ARAP3: variants seen among roughly 807,000 people sequenced by gnomAD.
ARAP3 encodes the protein arf-GAP with Rho-GAP domain, ANK repeat and PH domain-containing protein 3.
ARAP3 carries 82 observed loss-of-function variants against 169.2 expected under a neutral mutation model. The ratio of observed to expected loss-of-function variants is 0.48; its 90% CI spans 0.41 to 0.58. The LOEUF (loss-of-function observed/expected upper bound fraction) is 0.58, where lower values mean the gene tolerates loss of function less well. Among genes scored for constraint, ARAP3 ranks in the 20% least tolerant of loss-of-function variants. ARAP3 has a pLI of 0.00. For missense variants in ARAP3, 1,764 were observed against 2,018.0 expected, an observed-to-expected ratio of 0.87 and a Z score of 2.41; for synonymous variants, 791 against 800.3, an observed-to-expected ratio of 0.99 and a Z score of 0.20.
At position 141,672,039 on chromosome 5, in the gene ARAP3, G is replaced by T; in HGVS notation, c.1586-59C>A. On this transcript the variant is annotated intron_variant, in intron 10 of 32. Transcript: ENST00000239440. The surrounding 1 kb of genome is among the most constrained non-coding windows in gnomAD (Gnocchi z 4.9). ...AGGGTGTGAGGGGCATGTGGCACGG[G>T]TACCCTGAGCCCTCTAGTCCCAGCC... The T allele has an allele frequency of 6.2e-7, 1 of 1,613,964 alleles. No individual in the cohort carries two copies. The highest frequency in any genetic ancestry group is 2.2e-5 in the East Asian group (1 of 44,878).
chr5:141,676,151 C>T (rs2099912155), intron 4 of ARAP3, among the ~76,000 whole-genome samples: 1 of 152,170 alleles, frequency 6.6e-6, no homozygotes, highest in African/African-American at 2.4e-5. Context: ...AGGTCGAGAC[C>T]ATCCTGGCCA....
chr5:141,656,377 C>T (rs2099909275), intron 27 of ARAP3, 101 bp from the exon 28 acceptor site: 1 of 1,599,924 alleles, frequency 6.3e-7, no homozygotes, highest in Admixed American at 1.7e-5. Flanking sequence ...CACAGGGTCA[C>T]AGAAGTCGGG....
intron 4 of ARAP3, among the ~76,000 whole-genome samples, chr5:141,674,645 T>G (rs2099911906): frequency 6.6e-6 from 1 of 152,200 alleles, no homozygotes; most frequent in Non-Finnish European, 1.5e-5. Flanking sequence ...CTTGGAATTT[T>G]TATTGGGAAA....
In ARAP3 at chr5:141,654,287, A is replaced by G; in HGVS notation, c.4298T>C (p.Val1433Ala). ...GCTGGTGAGGGGGTTCTCTGGCTTCACTGTCCACTCCCGTGTGGTGGAGAA... is the reference window on the plus strand; with the variant it reads ...GCTGGTGAGGGGGTTCTCTGGCTTCGCTGTCCACTCCCGTGTGGTGGAGAA... ...TSFSTTREWT[V>A]KPENPLTSQK... Residue 1433 changes from valine to alanine, a missense_variant, in exon 33 of 33, where the codon GTG (valine) becomes GCG (alanine). This residue lies in a region of ARAP3 where 1,112 missense variants were observed against 1,285.7 expected (regional missense o/e 0.86). Coordinates refer to ENST00000239440, the MANE Select transcript of ARAP3 (RefSeq NM_022481.6). The G allele has an allele frequency of 6.2e-7, 1 of 1,614,116 alleles. No homozygotes were observed. Among genetic ancestry groups the G allele is most frequent in the African/African-American group, 1.3e-5 (1 of 75,002 alleles).
At chr5:141,665,289 G>A (rs1190238906) in intron 18 of ARAP3, 22 bp downstream of exon 18, 1 of 1,613,670 alleles carries the variant, frequency 6.2e-7, no homozygotes, top group South Asian at 1.1e-5. Context: ...GGAGCCCCAG[G>A]TCAAGGGCAG....
At chr5:141,665,717 G>C (rs902715083) in intron 17 of ARAP3, among the ~76,000 whole-genome samples, 1 of 152,022 alleles carries the variant, frequency 6.6e-6, no homozygotes, top group African/African-American at 2.4e-5. Context: ...GACCCAACCA[G>C]CAAGTGATTC....
chr5:141,676,047 A>G (rs1249420479), intron 4 of ARAP3, among the ~76,000 whole-genome samples: 2 of 152,196 alleles, frequency 1.3e-5, no homozygotes, highest in Admixed American at 6.5e-5. Context: ...ACAAACCTAT[A>G]TAACATTGCA....
intron 16 of ARAP3, among the ~76,000 whole-genome samples, chr5:141,667,818 G>C (rs1197772814): frequency 6.6e-6 from 1 of 150,476 alleles, no homozygotes. Context: ...GAGGCAGGCA[G>C]ATCACCTGAG....
chr5:141,655,204 CACACACACACCCTGATGGCCT>C (rs1208536681), intron 32 of ARAP3, among the ~76,000 whole-genome samples, 137 bp downstream of exon 32: 3 of 134,318 alleles, frequency 2.2e-5, no homozygotes, highest in African/African-American at 8.6e-5. Context: ...CACACACACA[CACACACACACCCTGATGGCCT>C]ACACACACAC....
intron 22 of ARAP3, 131 bp from the exon 23 acceptor site, chr5:141,659,607 G>A: frequency 7.6e-7 from 1 of 1,318,306 alleles, no homozygotes; most frequent in Non-Finnish European, 1.1e-6. Flanking sequence ...TGAGGATGTT[G>A]GAAGTGAAGT....
Position 141,657,827 on chromosome 5 carries a change from C to CT in ARAP3, c.3526+537dup, listed in dbSNP as rs201523403. On this transcript the variant is annotated intron_variant, in intron 25 of 32. Coordinates refer to ENST00000239440, the MANE Select transcript of ARAP3 (RefSeq NM_022481.6). ...GGGAAAAATTGGAGAATGGCCTAGGCTTTTTTTTTGAGGAAAGGGGACTAG... is the reference window on the plus strand; with the variant it reads ...GGGAAAAATTGGAGAATGGCCTAGGCTTTTTTTTTTGAGGAAAGGGGACTAG... Among the ~76,000 whole-genome samples, 311 of 151,196 alleles carry CT rather than the reference C, an allele frequency of 2.1e-3. 4 individuals carry two copies. The highest frequency in any genetic ancestry group is 4.1e-3 in the African/African-American group (170 of 41,226).
Position 141,673,598 on chromosome 5 carries a change from C to T in ARAP3, c.902+7G>A. 3 of 1,613,274 alleles carry T rather than the reference C, an allele frequency of 1.9e-6. No homozygotes were observed. The East Asian group carries it at 6.7e-5, about 36-fold the overall frequency. On this transcript the variant is annotated splice_region_variant and intron_variant, in intron 5 of 32. Coordinates refer to ENST00000239440, the MANE Select transcript of ARAP3 (RefSeq NM_022481.6). Reference sequence around the variant, plus strand: ...TTTTCTCCCTCCCTTCCCCTCCCAGCACCCACCCCTGAGGGGAGAGCTTGT... The same window carrying T: ...TTTTCTCCCTCCCTTCCCCTCCCAGTACCCACCCCTGAGGGGAGAGCTTGT...
Position 141,671,856 on chromosome 5 carries a change from C to T in ARAP3, c.1671+39G>A. On this transcript the variant is annotated intron_variant, in intron 11 of 32. Transcript: ENST00000239440. The surrounding 1 kb of genome is among the most constrained non-coding windows in gnomAD (Gnocchi z 4.9). ...CCCAAGGCCTGCTTCTGGACGCTCC[C>T]TTCTACGCCTCCCACCTTCTCCCTC... 1 of 1,613,972 alleles carries T rather than the reference C, an allele frequency of 6.2e-7. No homozygotes were observed. Among genetic ancestry groups the T allele is most frequent in the Non-Finnish European group, 8.5e-7 (1 of 1,179,884 alleles).
chr5:141,655,343 G>A lies in ARAP3; in HGVS notation c.4149+19C>T, dbSNP rs1397464640. ...TACAGGGTTGACAGGCACACCGCTG[G>A]AGCAGGCACAATACTCACAAAGAAC... On this transcript the variant is annotated intron_variant, in intron 32 of 32. Transcript: ENST00000239440. 1.3e-6 allele frequency: 2 copies of A among 1,571,216 alleles called. No homozygotes were observed. The highest frequency in any genetic ancestry group is 1.9e-5 in the Admixed American group (1 of 53,280).
chr5:141,661,883 G>C, intron 20 of ARAP3, 94 bp from the exon 21 acceptor site: 1 of 1,473,790 alleles, frequency 6.8e-7, no homozygotes, highest in Non-Finnish European at 9.4e-7. Context: ...AATGCAGGAT[G>C]GATGTGTCTC....
intron 21 of ARAP3, among the ~76,000 whole-genome samples, 168 bp from the exon 22 acceptor site, chr5:141,660,094 C>T (rs901151798): frequency 6.6e-6 from 1 of 152,196 alleles, no homozygotes; most frequent in African/African-American, 2.4e-5. Flanking sequence ...AATCAGCAAA[C>T]TTTTTATGTA....
Position 141,670,541 on chromosome 5 carries a change from C to T in ARAP3, c.2078G>A (p.Gly693Glu), listed in dbSNP as rs1291917467. Residue 693 changes from glycine (G) to glutamate (E), a missense_variant, in exon 14 of 33, where the codon GGA (glycine) becomes GAA (glutamate). Physicochemically the swap from Gly to Glu is moderately conservative, Grantham distance 98. Around this residue, in one of 3 missense-constraint regions of ARAP3, gnomAD observed 1,112 missense variants for 1,285.7 expected, o/e 0.86. Transcript: ENST00000239440. ...CCGGCCCCTGCGAGGGGGTGAGGGT[C>T]CAGCTTTGTTGCTGACGGGACTGCA... ...LYCSPVSNKA[G>E]PSPPRRGRDA... The T allele has an allele frequency of 1.2e-6, 2 of 1,613,936 alleles. No individual in the cohort carries two copies. Among genetic ancestry groups the T allele is most frequent in the African/African-American group, 2.7e-5 (2 of 74,898 alleles).
chr5:141,662,034 T>G lies in ARAP3; in HGVS notation c.3013+9A>C. The G allele has an allele frequency of 3.1e-6, 5 of 1,613,990 alleles. No individual in the cohort carries two copies. Among genetic ancestry groups the G allele is most frequent in the Non-Finnish European group, 4.2e-6 (5 of 1,179,936 alleles). ...GTTGGGCCTTGGCTCTCAGGGATCT[T>G]AGGAATACCAGCAGCCTCCCTCCAG... On this transcript the variant is annotated intron_variant, in intron 20 of 32. Coordinates refer to ENST00000239440, the MANE Select transcript of ARAP3 (RefSeq NM_022481.6).
In ARAP3 at chr5:141,671,113, T is replaced by A. The variant is rs1312001651; in HGVS notation, c.1990+152A>T. The A allele has an allele frequency of 5.6e-6, 6 of 1,067,046 alleles. No individual in the cohort carries two copies. In the Admixed American group the frequency reaches 1.5e-4, roughly 27 times the overall value. 66.1% of individuals were successfully genotyped at this position (1,067,046 alleles called of 1,614,324 possible). A position where few individuals can be genotyped will look rare whatever the true frequency, so the allele number is the denominator to read the frequency against. On this transcript the variant is annotated intron_variant, in intron 13 of 32. Transcript: ENST00000239440. The surrounding 1 kb of genome is among the most constrained non-coding windows in gnomAD (Gnocchi z 4.9). Reference sequence around the variant, plus strand: ...GACCGTCATCAGCTATCACATGACATCAGGAGATAGGCCCTGGAGGATCTG... The same window carrying A: ...GACCGTCATCAGCTATCACATGACAACAGGAGATAGGCCCTGGAGGATCTG...
Sources: allele counts gnomAD v4.1 joint callset (sites outside exome capture counted in the v4.1 genomes callset), GRCh38; gene constraint gnomAD v4.1.1; regional missense constraint gnomAD v4.1.1; non-coding constraint Gnocchi (gnomAD v3.1); transcripts MANE v1.5; gene names NCBI Gene and HGNC (gene_info 2026-07-23, HGNC 2026-07-21).